Variants in LOC400499 observed in about 807,000 individuals in gnomAD.
the LOC400499 span, among the ~76,000 whole-genome samples, chr16:11,375,867 T>C: frequency 2.6e-5 from 4 of 151,928 alleles, no homozygotes; most frequent in Non-Finnish European, 5.9e-5. Context: ...GTAGCTGGGA[T>C]TACACGCATG....
chr16:11,484,681 G>A, the LOC400499 span, among the ~76,000 whole-genome samples: 9 of 152,264 alleles, frequency 5.9e-5, no homozygotes, highest in East Asian at 1.5e-3. Context: ...TCCATGCATA[G>A]GATCTATTTC....
chr16:11,418,061 C>G, the LOC400499 span, among the ~76,000 whole-genome samples: 1 of 152,126 alleles, frequency 6.6e-6, no homozygotes, highest in Non-Finnish European at 1.5e-5. Flanking sequence ...CGCGGAGAAA[C>G]CAATCAGGAA....
chr16:11,417,704 G>A, the LOC400499 span: 146 of 399,288 alleles, frequency 3.7e-4, 1 homozygote, highest in East Asian at 5.1e-3. Flanking sequence ...TCACTGTTGT[G>A]CCAGCTCCGG....
At chr16:11,415,133 C>T in the LOC400499 span, among the ~76,000 whole-genome samples, 2 of 152,186 alleles carry the variant, frequency 1.3e-5, no homozygotes, top group South Asian at 4.1e-4. Flanking sequence ...CCACTGACAT[C>T]CACCTGCAGC....
At chr16:11,418,936 C>A in the LOC400499 span, among the ~76,000 whole-genome samples, 3 of 152,144 alleles carry the variant, frequency 2.0e-5, no homozygotes, top group African/African-American at 7.2e-5. Context: ...GAGGCAAAGG[C>A]GGACAGATCA....
At chr16:11,415,776 G>A in the LOC400499 span, among the ~76,000 whole-genome samples, 1 of 152,044 alleles carries the variant, frequency 6.6e-6, no homozygotes, top group Non-Finnish European at 1.5e-5. Context: ...ATCCTGGGTC[G>A]GGAACTAGAG....
chr16:11,483,421 T>C, the LOC400499 span, among the ~76,000 whole-genome samples: 1 of 152,112 alleles, frequency 6.6e-6, no homozygotes, highest in African/African-American at 2.4e-5. Context: ...AACAGGTGAA[T>C]GGAGAAACAA....
chr16:11,514,874 C>T, the LOC400499 span, among the ~76,000 whole-genome samples: 1 of 152,188 alleles, frequency 6.6e-6, no homozygotes, highest in Non-Finnish European at 1.5e-5. Context: ...CCCACCTCCA[C>T]CTCTTAGATG....
the LOC400499 span, chr16:11,435,850 C>T: frequency 1.5e-5 from 6 of 399,082 alleles, no homozygotes; most frequent in Admixed American, 2.2e-4. Flanking sequence ...TGAGGCTGCG[C>T]ACTCTGTAGC....
the LOC400499 span, among the ~76,000 whole-genome samples, chr16:11,409,271 AAAAT>A: frequency 6.6e-6 from 1 of 152,140 alleles, no homozygotes; most frequent in African/African-American, 2.4e-5. Flanking sequence ...AAAAAAAGAA[AAAAT>A]AAATAAAAAA....
chr16:11,402,351 A>C, the LOC400499 span: 1 of 391,236 alleles, frequency 2.6e-6, no homozygotes, highest in East Asian at 3.6e-5. Context: ...TTACCACTCG[A>C]CACCCTGCAC....
At chr16:11,394,209 A>C in the LOC400499 span, among the ~76,000 whole-genome samples, 1 of 152,210 alleles carries the variant, frequency 6.6e-6, no homozygotes, top group East Asian at 1.9e-4. Flanking sequence ...ATAACACCCC[A>C]GGCACTGGGC....
At chr16:11,390,235 A>G in the LOC400499 span, 1 of 1,232,534 alleles carries the variant, frequency 8.1e-7, no homozygotes, top group East Asian at 3.2e-5. Context: ...GAGCTGGCTC[A>G]GTCATCCTCA....
the LOC400499 span, chr16:11,450,465 A>C: frequency 1.4e-6 from 1 of 715,968 alleles, no homozygotes; most frequent in Non-Finnish European, 2.3e-6. Flanking sequence ...AAACTCTGAT[A>C]GTTGCAGGCA....
chr16:11,522,437 T>A, the LOC400499 span, among the ~76,000 whole-genome samples: 6 of 152,314 alleles, frequency 3.9e-5, no homozygotes, highest in Admixed American at 1.3e-4. Flanking sequence ...TCCTCTGTGT[T>A]GTCAGGAAAT....
chr16:11,409,112 T>C, the LOC400499 span, among the ~76,000 whole-genome samples: 1 of 151,514 alleles, frequency 6.6e-6, no homozygotes, highest in Non-Finnish European at 1.5e-5. Flanking sequence ...AATACAAAAA[T>C]TAGCCAGGCA....
chr16:11,420,455 G>C, the LOC400499 span, among the ~76,000 whole-genome samples: 2 of 104,534 alleles, frequency 1.9e-5, no homozygotes, highest in African/African-American at 7.2e-5. Flanking sequence ...GGGGTGGGGG[G>C]AGGGGGGAGG....
chr16:11,378,401 T>A, the LOC400499 span, among the ~76,000 whole-genome samples: 1 of 152,016 alleles, frequency 6.6e-6, no homozygotes, highest in Admixed American at 6.6e-5. Flanking sequence ...GTAACTGGGA[T>A]TACAGGCGCC....
the LOC400499 span, among the ~76,000 whole-genome samples, chr16:11,449,859 C>A: frequency 3.3e-5 from 5 of 152,356 alleles, no homozygotes; most frequent in South Asian, 1.0e-3. Flanking sequence ...AATCTGGCAT[C>A]TCCAGGATCT....
Sources: gnomAD v4.1 joint callset for allele counts (sites outside exome capture counted in the v4.1 genomes callset) on GRCh38, gnomAD v4.1.1 for gene constraint, MANE v1.5 for transcripts.